Variants in MACROD2 observed in about 807,000 individuals in gnomAD.
MACROD2 encodes mono-ADP ribosylhydrolase 2, also known as ADP-ribose glycohydrolase MACROD2.
MACROD2 carries 36 observed loss-of-function variants against 70.4 expected under a neutral mutation model. The ratio of observed to expected loss-of-function variants is 0.51; its 90% CI spans 0.39 to 0.68. The LOEUF is 0.68. MACROD2 is among the 30% of genes least tolerant of loss of function. MACROD2 has a pLI of 0.00. For synonymous variants in MACROD2, 172 were observed against 178.8 expected (o/e 0.96, Z 0.30); for missense variants, 496 against 538.4 (o/e 0.92, Z 0.78).
chr20:14,265,518 A>G (rs1277076033), intron 3 of MACROD2, among the ~76,000 whole-genome samples: 1 of 147,610 alleles, frequency 6.8e-6, no homozygotes, highest in Non-Finnish European at 1.5e-5. Context: ...ATTTTTTACA[A>G]TAAATTTTTA....
intron 5 of MACROD2, among the ~76,000 whole-genome samples, chr20:15,227,821 C>CTTTTTTT (rs1336974761): frequency 7.2e-5 from 1 of 13,870 alleles, no homozygotes; most frequent in African/African-American, 4.4e-4. Flanking sequence ...AGAATTTCAC[C>CTTTTTTT]TGTTTTTTTT....
intron 5 of MACROD2, among the ~76,000 whole-genome samples, chr20:14,702,810 C>G (rs2071223201): frequency 6.6e-6 from 1 of 150,816 alleles, no homozygotes; most frequent in South Asian, 2.1e-4. Context: ...TCACTGCAAC[C>G]TCTGCCTCCT....
chr20:15,363,162 GCT>G (rs1428365314), intron 6 of MACROD2, among the ~76,000 whole-genome samples: 3 of 152,166 alleles, frequency 2.0e-5, no homozygotes, highest in Non-Finnish European at 2.9e-5. Flanking sequence ...TCTTTGTAAA[GCT>G]GGGTGTTCCC....
intron 12 of MACROD2, among the ~76,000 whole-genome samples, chr20:15,961,896 G>T (rs2066066912): frequency 6.6e-6 from 1 of 152,204 alleles, no homozygotes. Context: ...AGATGAGAAA[G>T]AAATCAGAAG....
At chr20:14,982,785 C>T (rs2074813289) in intron 5 of MACROD2, among the ~76,000 whole-genome samples, 1 of 152,196 alleles carries the variant, frequency 6.6e-6, no homozygotes, top group Non-Finnish European at 1.5e-5. Flanking sequence ...CACAGAGAAC[C>T]TCTCCTAGGG....
intron 8 of MACROD2, among the ~76,000 whole-genome samples, chr20:15,768,986 T>A (rs1321732209): frequency 6.6e-6 from 1 of 152,232 alleles, no homozygotes; most frequent in Non-Finnish European, 1.5e-5. Flanking sequence ...TGTCAGCTCC[T>A]GTGATAATGA....
intron 5 of MACROD2, among the ~76,000 whole-genome samples, chr20:14,913,326 TG>T (rs1362644623): frequency 6.6e-6 from 1 of 152,202 alleles, no homozygotes; most frequent in Non-Finnish European, 1.5e-5. Flanking sequence ...ACATCATTTA[TG>T]GATTGTACTT....
chr20:14,407,555 T>G (rs1390046469), intron 3 of MACROD2, among the ~76,000 whole-genome samples: 2 of 152,160 alleles, frequency 1.3e-5, no homozygotes, highest in Admixed American at 1.3e-4. Context: ...TTTAATAGAC[T>G]AAAAAGCCAT....
intron 8 of MACROD2, among the ~76,000 whole-genome samples, chr20:15,550,148 A>G (rs1390359468): frequency 6.6e-6 from 1 of 151,898 alleles, no homozygotes; most frequent in Non-Finnish European, 1.5e-5. Context: ...TCTCTTTATC[A>G]TCCTGTAATC....
At chr20:15,441,579 T>C (rs1389769629) in intron 7 of MACROD2, among the ~76,000 whole-genome samples, 2 of 152,146 alleles carry the variant, frequency 1.3e-5, no homozygotes. Flanking sequence ...AAGAAACTTG[T>C]ATGTGGGCCC....
At chr20:14,939,543 T>C (rs1249112429) in intron 5 of MACROD2, among the ~76,000 whole-genome samples, 4 of 152,180 alleles carry the variant, frequency 2.6e-5, no homozygotes, top group Admixed American at 2.6e-4. Flanking sequence ...AGCATTGTTC[T>C]TTTTGCTCAG....
chr20:15,804,598 CT>C (rs2063753002), intron 8 of MACROD2, among the ~76,000 whole-genome samples: 1 of 152,150 alleles, frequency 6.6e-6, no homozygotes, highest in African/African-American at 2.4e-5. Context: ...AAGGTATGTT[CT>C]TTGTAGAAAA....
intron 5 of MACROD2, among the ~76,000 whole-genome samples, chr20:15,093,565 TAATA>T (rs940308667): frequency 3.9e-5 from 6 of 152,304 alleles, no homozygotes; most frequent in African/African-American, 1.2e-4. Flanking sequence ...TCTGATGGAT[TAATA>T]AATATGTTTA....
chr20:15,645,058 A>C (rs892959415), intron 8 of MACROD2, among the ~76,000 whole-genome samples: 8 of 152,188 alleles, frequency 5.3e-5, no homozygotes, highest in African/African-American at 1.9e-4. Context: ...CTCCAATTCA[A>C]ACACCACCTT....
chr20:15,564,053 T>C (rs1017098651), intron 8 of MACROD2, among the ~76,000 whole-genome samples: 1 of 152,208 alleles, frequency 6.6e-6, no homozygotes, highest in African/African-American at 2.4e-5. Flanking sequence ...TCCAGATGGT[T>C]TCTCATGTCG....
At chr20:15,239,397 T>C (rs2077041473) in intron 6 of MACROD2, among the ~76,000 whole-genome samples, 1 of 152,112 alleles carries the variant, frequency 6.6e-6, no homozygotes. Flanking sequence ...GGAAAACATG[T>C]CACAGATTGG....
chr20:15,166,599 T>C (rs946670548), intron 5 of MACROD2, among the ~76,000 whole-genome samples: 3 of 152,010 alleles, frequency 2.0e-5, no homozygotes, highest in Non-Finnish European at 2.9e-5. Context: ...TATAAGATCA[T>C]CTCAATAGAA....
At chr20:15,919,986 A>G (rs926620933) in intron 10 of MACROD2, among the ~76,000 whole-genome samples, 1 of 152,226 alleles carries the variant, frequency 6.6e-6, no homozygotes, top group Non-Finnish European at 1.5e-5. Flanking sequence ...CCTGCTCCAT[A>G]CAGTAATTAT....
At chr20:15,719,144 G>C (rs1714426895) in intron 8 of MACROD2, among the ~76,000 whole-genome samples, 1 of 152,072 alleles carries the variant, frequency 6.6e-6, no homozygotes, top group African/African-American at 2.4e-5. Flanking sequence ...CTGAACAAAA[G>C]CTATATTTAT....
Sources: gnomAD v4.1 joint callset for allele counts (sites outside exome capture counted in the v4.1 genomes callset) on GRCh38, gnomAD v4.1.1 for gene constraint, MANE v1.5 for transcripts, NCBI Gene and HGNC (gene_info 2026-07-23, HGNC 2026-07-21) for gene names.